The following GMEB1 variants were observed in gnomAD, a reference collection of about 807,000 sequenced individuals.
GMEB1 encodes the protein glucocorticoid modulatory element binding protein 1.
A neutral mutation model predicts 52.4 loss-of-function variants in GMEB1; 6 were observed. The ratio of observed to expected loss-of-function variants is 0.11; its 90% CI spans 0.06 to 0.23. The LOEUF (loss-of-function observed/expected upper bound fraction) is 0.23, where lower values mean the gene tolerates loss of function less well. Ranked by LOEUF, GMEB1 falls within the 10% of genes least tolerant of loss-of-function variation. The pLI is 1.00. For synonymous variants in GMEB1, 255 were observed against 244.9 expected, an observed-to-expected ratio of 1.04 and a Z score of -0.38; for missense variants, 486 against 685.6, an observed-to-expected ratio of 0.71 and a Z score of 3.25.
rs1436323544 is a variant in GMEB1 at position 28,669,184 on chromosome 1, GAGGGGCCCGGAAGTACTCGGCTC to G, written c.-31+353_-31+375del. Reference sequence around the variant, plus strand: ...GGGGGGGCCCCGGCGCCCCCGGACCGAGGGGCCCGGAAGTACTCGGCTCAGGGGCCAGGAGGGGCCGGAGTGAC... The same window carrying G: ...GGGGGGGCCCCGGCGCCCCCGGACCGAGGGGCCAGGAGGGGCCGGAGTGAC... On this transcript the variant is annotated intron_variant, in intron 1 of 9. Coordinates refer to ENST00000373816, the MANE Select transcript of GMEB1 (RefSeq NM_001319674.2). Among the ~76,000 whole-genome samples, 3 of 151,718 alleles carry G rather than the reference GAGGGGCCCGGAAGTACTCGGCTC, an allele frequency of 2.0e-5. No homozygotes were observed. The East Asian group carries it at 5.9e-4, about 30-fold the overall frequency.
chr1:28,708,680 A>G lies in GMEB1; in HGVS notation c.869-1840A>G, dbSNP rs1316809398. Among the ~76,000 whole-genome samples the G allele has an allele frequency of 2.8e-5, 4 of 143,098 alleles. No homozygotes were observed. In the East Asian group the frequency reaches 8.5e-4, roughly 31 times the overall value. 93.9% of individuals were successfully genotyped at this position (143,098 alleles called of 152,430 possible). A position where few individuals can be genotyped will look rare whatever the true frequency, so the allele number is the denominator to read the frequency against. On this transcript the variant is annotated intron_variant, in intron 8 of 9. Transcript: ENST00000373816. ...GCAACGGGGTTTCACCATATTGGTC[A>G]GGCTGGTAATCCACCCACCTCGGCC...
intron 1 of GMEB1, among the ~76,000 whole-genome samples, chr1:28,680,860 A>G (rs1423361303): frequency 2.0e-5 from 3 of 152,238 alleles, no homozygotes; most frequent in African/African-American, 4.8e-5. Context: ...CCTGACCAAC[A>G]TGGAGAAACC....
At chr1:28,672,200 TA>T (rs1668920679) in intron 1 of GMEB1, among the ~76,000 whole-genome samples, 2 of 59,166 alleles carry the variant, frequency 3.4e-5, no homozygotes, top group Non-Finnish European at 8.7e-5. Flanking sequence ...CTTTTATTTT[TA>T]TTTATTTATT....
chr1:28,678,073 A>G (rs1215270415), intron 1 of GMEB1, among the ~76,000 whole-genome samples: 1 of 151,676 alleles, frequency 6.6e-6, no homozygotes, highest in Non-Finnish European at 1.5e-5. Context: ...AATCCCAGCT[A>G]CTCGGGAGGC....
chr1:28,684,453 C>T (rs547398040), intron 2 of GMEB1, among the ~76,000 whole-genome samples: 1 of 151,076 alleles, frequency 6.6e-6, no homozygotes, highest in South Asian at 2.1e-4. Flanking sequence ...GTCCCAGCTA[C>T]TTGGGAGGGT....
At chr1:28,686,761 A>G (rs986734774) in intron 2 of GMEB1, among the ~76,000 whole-genome samples, 1 of 152,070 alleles carries the variant, frequency 6.6e-6, no homozygotes, top group African/African-American at 2.4e-5. Context: ...GTTTATCACA[A>G]TCCTCATTCC....
intron 1 of GMEB1, among the ~76,000 whole-genome samples, chr1:28,671,580 A>G (rs1264676063): frequency 6.6e-6 from 1 of 152,030 alleles, no homozygotes; most frequent in African/African-American, 2.4e-5. Context: ...TCTCTACAAA[A>G]AATGACAAAA....
chr1:28,710,652 A>G lies in GMEB1; in HGVS notation c.991+10A>G. 1 of 1,536,800 alleles carries G rather than the reference A, an allele frequency of 6.5e-7. No homozygotes were observed. The highest frequency in any genetic ancestry group is 1.4e-5 in the African/African-American group (1 of 72,150). On this transcript the variant is annotated intron_variant, in intron 9 of 9. Transcript: ENST00000373816. Reference sequence around the variant, plus strand: ...CTCTATACTCTGACAGGTATGTATAAGTTATCGCTCTTCTTCGGTGATATC... The same window carrying G: ...CTCTATACTCTGACAGGTATGTATAGGTTATCGCTCTTCTTCGGTGATATC...
intron 1 of GMEB1, among the ~76,000 whole-genome samples, 194 bp downstream of exon 1, chr1:28,669,033 G>C (rs1668744758): frequency 6.9e-6 from 1 of 145,280 alleles, no homozygotes. Flanking sequence ...TCGCGGCGCC[G>C]CGGGGGGGTG....
chr1:28,697,250 C>A (rs887107470), intron 6 of GMEB1, among the ~76,000 whole-genome samples, 166 bp downstream of exon 6: 1 of 142,804 alleles, frequency 7.0e-6, no homozygotes, highest in African/African-American at 2.6e-5. Flanking sequence ...CTCTTGTTGC[C>A]CAGGTTGGAG....
At chr1:28,700,058 CAAAAAA>C (rs34231884) in intron 6 of GMEB1, among the ~76,000 whole-genome samples, 3 of 61,140 alleles carry the variant, frequency 4.9e-5, no homozygotes, top group Non-Finnish European at 3.1e-5. Flanking sequence ...GACCCTGTCT[CAAAAAA>C]AAAAAAAAAA....
intron 9 of GMEB1, among the ~76,000 whole-genome samples, chr1:28,713,636 G>T (rs952044524): frequency 6.6e-6 from 1 of 152,192 alleles, no homozygotes; most frequent in East Asian, 1.9e-4. Context: ...TGAGTCACCA[G>T]CAAAGGAGTT....
intron 4 of GMEB1, among the ~76,000 whole-genome samples, chr1:28,692,705 A>G (rs1001234887): frequency 2.0e-5 from 3 of 152,056 alleles, no homozygotes; most frequent in African/African-American, 4.8e-5. Flanking sequence ...ATATTTATTA[A>G]TATATTTATC....
chr1:28,712,793 C>T lies in GMEB1; in HGVS notation c.992-1280C>T, dbSNP rs906922193. On this transcript the variant is annotated intron_variant, in intron 9 of 9. Transcript: ENST00000373816. Reference sequence around the variant, plus strand: ...CGGAGGTTGCAGTGAGCCAAGATCGCGCCATCACACTCCAGCCTGGCGATA... The same window carrying T: ...CGGAGGTTGCAGTGAGCCAAGATCGTGCCATCACACTCCAGCCTGGCGATA... Among the ~76,000 whole-genome samples, 43 of 151,626 alleles carry T rather than the reference C, an allele frequency of 2.8e-4. 1 individual carries two copies. The highest frequency in any genetic ancestry group is 1.9e-4 in the East Asian group (1 of 5,140).
intron 6 of GMEB1, among the ~76,000 whole-genome samples, chr1:28,700,183 C>T (rs902953239): frequency 2.6e-5 from 4 of 151,540 alleles, no homozygotes; most frequent in African/African-American, 9.7e-5. Context: ...GCCTGACCAA[C>T]GTGGTGAAAC....
rs199899562 is a variant in GMEB1 at position 28,710,741 on chromosome 1, A to T, written c.991+99A>T. 4.4e-4 allele frequency: 262 copies of T among 593,562 alleles called. 1 individual carries two copies. The highest frequency in any genetic ancestry group is 1.1e-3 in the Middle Eastern group (2 of 1,800). 36.8% of individuals were successfully genotyped at this position (593,562 alleles called of 1,614,324 possible). On this transcript the variant is annotated intron_variant, in intron 9 of 9. Transcript: ENST00000373816. ...TTGTTGGGGTAACTTTTTTTTTTTT[A>T]AATAGTATCAGATTTTGCTTTTAAA...
At chr1:28,670,626 C>A (rs1462002754) in intron 1 of GMEB1, among the ~76,000 whole-genome samples, 1 of 152,120 alleles carries the variant, frequency 6.6e-6, no homozygotes, top group Non-Finnish European at 1.5e-5. Flanking sequence ...CTGCGCCTGG[C>A]CCAACCAGGC....
chr1:28,691,765 G>A (rs1208029409), intron 4 of GMEB1, 56 bp downstream of exon 4: 4 of 967,056 alleles, frequency 4.1e-6, no homozygotes, highest in Non-Finnish European at 2.9e-6. Context: ...CTCAAAGGGT[G>A]TGAGTTCCAT....
chr1:28,678,203 AGAAAG>A (rs1382658159), intron 1 of GMEB1, among the ~76,000 whole-genome samples: 1 of 151,860 alleles, frequency 6.6e-6, no homozygotes, highest in Non-Finnish European at 1.5e-5. Flanking sequence ...AAAAAAAAAA[AGAAAG>A]GAGAAGAAAG....
Sources: allele counts gnomAD v4.1 joint callset (sites outside exome capture counted in the v4.1 genomes callset), GRCh38; gene constraint gnomAD v4.1.1; transcripts MANE v1.5; gene names NCBI Gene and HGNC (gene_info 2026-07-23, HGNC 2026-07-21).